The following DMXL2 variants were observed in gnomAD, a reference collection of about 807,000 sequenced individuals.
DMXL2 encodes dmX-like protein 2.
A neutral mutation model predicts 331.1 loss-of-function variants in DMXL2; 103 were observed. That is an observed-to-expected ratio of 0.31 (90% confidence interval 0.27 to 0.37). The LOEUF is 0.37. Among genes scored for constraint, DMXL2 ranks in the 10% least tolerant of loss-of-function variants. The pLI is 1.00. For synonymous variants in DMXL2, 1,281 were observed against 1,252.1 expected, an observed-to-expected ratio of 1.02 and a Z score of -0.49; for missense variants, 3,171 against 3,642.9, an observed-to-expected ratio of 0.87 and a Z score of 3.33.
At chr15:51,458,894 TAGC>T (rs3830518) in intron 34 of DMXL2, 99 bp from the exon 35 acceptor site, 103 of 772,706 alleles carry the variant, frequency 1.3e-4, no homozygotes, top group South Asian at 7.6e-4. Flanking sequence ...GAAGAAAATG[TAGC>T]AGCAGCAGCA....
At chr15:51,461,661 C>T (rs1033243829) in intron 33 of DMXL2, among the ~76,000 whole-genome samples, 1 of 152,110 alleles carries the variant, frequency 6.6e-6, no homozygotes, top group Admixed American at 6.6e-5. Context: ...AGCAATCCTC[C>T]TGCCTCAGCC....
intron 3 of DMXL2, among the ~76,000 whole-genome samples, chr15:51,566,012 A>G (rs2050245450): frequency 6.6e-6 from 1 of 152,198 alleles, no homozygotes; most frequent in Non-Finnish European, 1.5e-5. Context: ...ATTTGAAACC[A>G]GCCTGGGCAA....
chr15:51,575,430 A>T (rs548343594), intron 2 of DMXL2, among the ~76,000 whole-genome samples: 120 of 152,238 alleles, frequency 7.9e-4, no homozygotes, highest in Non-Finnish European at 1.5e-3. Context: ...GCCTTACTGA[A>T]TTGCTGGAGT....
At chr15:51,558,395 T>C (rs573365412) in intron 6 of DMXL2, among the ~76,000 whole-genome samples, 1 of 152,106 alleles carries the variant, frequency 6.6e-6, no homozygotes, top group South Asian at 2.1e-4. Context: ...TGAACCTTAA[T>C]GGGGAAAAAC....
chr15:51,454,878 TG>T (rs1311815280), intron 40 of DMXL2, among the ~76,000 whole-genome samples: 1 of 152,000 alleles, frequency 6.6e-6, no homozygotes, highest in Non-Finnish European at 1.5e-5. Context: ...ATAATAATAA[TG>T]AAAAAAAACC....
chr15:51,492,104 C>A lies in DMXL2; in HGVS notation c.4784-357G>T, dbSNP rs371828207. Among the ~76,000 whole-genome samples, 20 of 152,340 alleles carry A rather than the reference C, an allele frequency of 1.3e-4. No individual in the cohort carries two copies. The East Asian group carries it at 2.3e-3, about 18-fold the overall frequency. ...AGGTCATAAGAGCTGCCCAAGCTCA[C>A]ATAACTAGGAAGGTAGGGCCCAGGC... On this transcript the variant is annotated intron_variant, in intron 19 of 43. Transcript: ENST00000560891.
At chr15:51,596,264 A>T (rs1418433428) in intron 1 of DMXL2, among the ~76,000 whole-genome samples, 5 of 152,384 alleles carry the variant, frequency 3.3e-5, no homozygotes, top group African/African-American at 1.2e-4. Flanking sequence ...GGCGAAGGAT[A>T]TGAACAGACA....
chr15:51,512,239 A>C (rs2046798598), intron 15 of DMXL2, among the ~76,000 whole-genome samples: 1 of 152,116 alleles, frequency 6.6e-6, no homozygotes, highest in Non-Finnish European at 1.5e-5. Flanking sequence ...TCAGTGGCAT[A>C]ATGAGGGTGT....
At chr15:51,583,119 TTC>T (rs1170167490) in intron 1 of DMXL2, among the ~76,000 whole-genome samples, 15 of 38,734 alleles carry the variant, frequency 3.9e-4, no homozygotes, top group South Asian at 1.3e-3. Context: ...TTTTTTTTTT[TTC>T]TTTTTTTTTT....
At position 51,557,428 on chromosome 15, in the gene DMXL2, T is replaced by C. The variant is rs146999831; in HGVS notation, c.567+5953A>G. Among the ~76,000 whole-genome samples, 1,466 of 152,250 alleles carry C rather than the reference T, an allele frequency of 9.6e-3. 20 individuals are homozygous for C. Among genetic ancestry groups the C allele is most frequent in the African/African-American group, 0.034 (1,409 of 41,536 alleles). On this transcript the variant is annotated intron_variant, in intron 6 of 43. Transcript: ENST00000560891. Reference sequence around the variant, plus strand: ...TGTTCATAAACGGGAAGACTAATTATAGTAAAGATGTCAATTCTCCCCAAA... The same window carrying C: ...TGTTCATAAACGGGAAGACTAATTACAGTAAAGATGTCAATTCTCCCCAAA...
intron 6 of DMXL2, among the ~76,000 whole-genome samples, 200 bp downstream of exon 6, chr15:51,563,181 T>C (rs1230772769): frequency 6.6e-6 from 1 of 152,040 alleles, no homozygotes; most frequent in Admixed American, 6.6e-5. Context: ...GTAATAAGAA[T>C]AGCCATTATT....
At chr15:51,616,937 A>T (rs2054322303) in intron 1 of DMXL2, among the ~76,000 whole-genome samples, 4 of 42,924 alleles carry the variant, frequency 9.3e-5, no homozygotes, top group Non-Finnish European at 2.4e-4. Context: ...ACTCCATCTA[A>T]AAAAAAAAAA....
rs920246550 is a variant in DMXL2 at position 51,465,464 on chromosome 15, A to G, written c.7606+102T>C. The G allele has an allele frequency of 2.1e-5, 18 of 846,648 alleles. No homozygotes were observed. The Admixed American group carries it at 2.9e-4, about 13-fold the overall frequency. The allele number at this position is 846,648 out of a possible 1,614,324, so 52.4% of individuals were successfully genotyped here. On this transcript the variant is annotated intron_variant, in intron 31 of 43. Transcript: ENST00000560891. ...GACTTTATAAAATATCTAATGCACT[A>G]TTTTTTAAGTACCAAATGACCTTAT...
At chr15:51,492,649 G>C (rs1214575126) in intron 19 of DMXL2, among the ~76,000 whole-genome samples, 1 of 152,004 alleles carries the variant, frequency 6.6e-6, no homozygotes, top group Admixed American at 6.6e-5. Context: ...ACTTACAGCA[G>C]GTAAAAACGA....
In DMXL2 at chr15:51,457,337, T is replaced by C. The variant is rs758653565; in HGVS notation, c.8328A>G (p.Gly2776=). Reference sequence around the variant, plus strand: ...TAAGTAAATAACATACCACACTAGCTCCAGTGCTAGTCTGTCCAGTGCCCA... The same window carrying C: ...TAAGTAAATAACATACCACACTAGCCCCAGTGCTAGTCTGTCCAGTGCCCA... The part of the protein sequence containing the change: ...PWLGTGQTST[G]ASVLMKRNLH... The change falls in exon 37 of 44, where the codon GGA becomes GGG. Residue 2776 remains glycine (G), a synonymous_variant. Coordinates refer to ENST00000560891, the MANE Select transcript of DMXL2 (RefSeq NM_001378457.1). 9 of 1,613,374 alleles carry C rather than the reference T, an allele frequency of 5.6e-6. No homozygotes were observed. The highest frequency in any genetic ancestry group is 4.2e-6 in the Non-Finnish European group (5 of 1,179,802).
intron 2 of DMXL2, among the ~76,000 whole-genome samples, chr15:51,572,735 GC>G (rs1481265356): frequency 2.0e-5 from 3 of 152,034 alleles, no homozygotes; most frequent in African/African-American, 7.2e-5. Flanking sequence ...AAATTCAACA[GC>G]CCTTCATGCT....
Position 51,462,758 on chromosome 15 carries a change from C to T in DMXL2, c.7926+621G>A, listed in dbSNP as rs2040238664. On this transcript the variant is annotated intron_variant, in intron 33 of 43. Transcript: ENST00000560891. ...GACTGAAATGCTCATATAAAAGGTC[C>T]CACTTTTATAAGGAAGAGGTCACTT... Among the ~76,000 whole-genome samples, 3 of 152,096 alleles carry T rather than the reference C, an allele frequency of 2.0e-5. No individual in the cohort carries two copies. In the South Asian group the frequency reaches 6.2e-4, roughly 32 times the overall value.
intron 1 of DMXL2, among the ~76,000 whole-genome samples, chr15:51,597,509 C>T (rs756052777): frequency 6.6e-6 from 1 of 152,160 alleles, no homozygotes; most frequent in Non-Finnish European, 1.5e-5. Context: ...CACTCACTTT[C>T]ATTTCTTATT....
chr15:51,451,578 A>C, intron 42 of DMXL2, 67 bp downstream of exon 42: 1 of 1,262,506 alleles, frequency 7.9e-7, no homozygotes, highest in East Asian at 2.4e-5. Flanking sequence ...TAAAACCAAG[A>C]AAGCATTCCT....
Sources: gnomAD v4.1 joint callset for allele counts (sites outside exome capture counted in the v4.1 genomes callset) on GRCh38, gnomAD v4.1.1 for gene constraint, MANE v1.5 for transcripts, NCBI Gene and HGNC (gene_info 2026-07-23, HGNC 2026-07-21) for gene names.